The following CNTN5 variants were observed in gnomAD, a reference collection of about 807,000 sequenced individuals.
CNTN5 encodes contactin 5.
CNTN5 carries 77 observed loss-of-function variants against 129.1 expected under a neutral mutation model. That is an observed-to-expected ratio of 0.60 (90% CI 0.50 to 0.72). The LOEUF is 0.72. Ranked by LOEUF, CNTN5 falls within the 30% of genes least tolerant of loss-of-function variation. The probability of loss-of-function intolerance (pLI) is 0.00; values close to 1 mark genes in which losing one functional copy is unlikely to be tolerated. For missense variants in CNTN5, 1,478 were observed against 1,328.8 expected, an observed-to-expected ratio of 1.11 and a Z score of -1.75; for synonymous variants, 509 against 465.6, an observed-to-expected ratio of 1.09 and a Z score of -1.20.
chr11:99,082,011 CAAAT>C (rs35512969), intron 1 of CNTN5, among the ~76,000 whole-genome samples: 30,755 of 151,684 alleles, frequency 0.2, 3,541 homozygotes, highest in South Asian at 0.28. Context: ...AAAAGAGAAA[CAAAT>C]GTTTGCAATT....
chr11:99,228,680 TTC>T (rs1175887075), intron 1 of CNTN5, among the ~76,000 whole-genome samples: 1 of 152,100 alleles, frequency 6.6e-6, no homozygotes, highest in East Asian at 1.9e-4. Flanking sequence ...TTAAATATTA[TTC>T]TTTTTTTATA....
At chr11:99,509,169 T>C (rs1408076370) in intron 2 of CNTN5, among the ~76,000 whole-genome samples, 1 of 152,194 alleles carries the variant, frequency 6.6e-6, no homozygotes, top group Non-Finnish European at 1.5e-5. Flanking sequence ...AATTCTCATA[T>C]ATATTTCAGA....
chr11:99,384,868 T>G (rs1407395676), intron 2 of CNTN5, among the ~76,000 whole-genome samples: 1 of 152,204 alleles, frequency 6.6e-6, no homozygotes, highest in Non-Finnish European at 1.5e-5. Context: ...TCACCTCCCA[T>G]ACTTAATTTT....
chr11:100,323,543 A>G (rs886612441), intron 21 of CNTN5, among the ~76,000 whole-genome samples: 1 of 152,140 alleles, frequency 6.6e-6, no homozygotes, highest in Non-Finnish European at 1.5e-5. Flanking sequence ...CGGGGTTTGT[A>G]TAATCATTTC....
chr11:100,341,280 G>T (rs1346571224), intron 23 of CNTN5, 75 bp downstream of exon 23: 2 of 1,090,214 alleles, frequency 1.8e-6, no homozygotes, highest in African/African-American at 1.6e-5. Flanking sequence ...AATTAATAAG[G>T]CATAAAAAGA....
chr11:99,933,533 A>G lies in CNTN5; in HGVS notation c.673+17384A>G, dbSNP rs146519314. 4.6e-3 allele frequency among the ~76,000 whole-genome samples: 703 copies of G among 152,116 alleles called. 7 individuals are homozygous for G. The highest frequency in any genetic ancestry group is 0.016 in the African/African-American group (672 of 41,492). On this transcript the variant is annotated intron_variant, in intron 7 of 24. Transcript: ENST00000524871. ...CCCCCAATTCTCATCCCTGATATTC[A>G]TTGATGTGATTTCTGTCCCTATATT...
intron 2 of CNTN5, among the ~76,000 whole-genome samples, chr11:99,464,514 A>G (rs1181227415): frequency 1.3e-5 from 2 of 152,194 alleles, no homozygotes; most frequent in Non-Finnish European, 2.9e-5. Flanking sequence ...GAAGATGTCT[A>G]AGTTTCTAAG....
intron 1 of CNTN5, among the ~76,000 whole-genome samples, chr11:99,165,109 A>G (rs1591300213): frequency 6.6e-6 from 1 of 152,152 alleles, no homozygotes; most frequent in Admixed American, 6.6e-5. Flanking sequence ...TTTTGGTACT[A>G]GAATGAAATT....
At chr11:99,521,092 C>T (rs1180752679) in intron 2 of CNTN5, among the ~76,000 whole-genome samples, 1 of 152,080 alleles carries the variant, frequency 6.6e-6, no homozygotes, top group Non-Finnish European at 1.5e-5. Flanking sequence ...CATTTTAAGT[C>T]CAGTAAGCTT....
chr11:99,921,652 C>T (rs545364181), intron 7 of CNTN5, among the ~76,000 whole-genome samples: 18 of 152,230 alleles, frequency 1.2e-4, no homozygotes, highest in Middle Eastern at 3.4e-3. Context: ...TTGTCTCCTT[C>T]GGTTACAATG....
intron 3 of CNTN5, among the ~76,000 whole-genome samples, chr11:99,702,329 C>A (rs1159412258): frequency 6.6e-6 from 1 of 150,852 alleles, no homozygotes; most frequent in Non-Finnish European, 1.5e-5. Flanking sequence ...CTGTTACTAG[C>A]CTTGTCACCA....
At chr11:99,151,951 A>G (rs1860078592) in intron 1 of CNTN5, among the ~76,000 whole-genome samples, 1 of 152,116 alleles carries the variant, frequency 6.6e-6, no homozygotes, top group African/African-American at 2.4e-5. Context: ...GCAAACCCCC[A>G]TGGTACGTGT....
intron 2 of CNTN5, among the ~76,000 whole-genome samples, chr11:99,421,893 A>G (rs955339987): frequency 6.6e-6 from 1 of 152,236 alleles, no homozygotes; most frequent in Non-Finnish European, 1.5e-5. Flanking sequence ...CAAATAAATC[A>G]AAAACAACTT....
chr11:99,905,788 C>T (rs1949486920), intron 6 of CNTN5, among the ~76,000 whole-genome samples: 1 of 152,084 alleles, frequency 6.6e-6, no homozygotes, highest in African/African-American at 2.4e-5. Context: ...ACGCCTTTTC[C>T]ATTTGTTTGT....
intron 24 of CNTN5, among the ~76,000 whole-genome samples, chr11:100,351,714 A>G (rs1020602879): frequency 6.6e-6 from 1 of 151,320 alleles, no homozygotes; most frequent in Non-Finnish European, 1.5e-5. Context: ...AAAGTATTAG[A>G]CAATTTTATG....
chr11:100,274,400 C>T (rs932609363), intron 18 of CNTN5, among the ~76,000 whole-genome samples: 1 of 152,094 alleles, frequency 6.6e-6, no homozygotes, highest in African/African-American at 2.4e-5. Context: ...AGAGCTTCTG[C>T]ACAGTGAAAG....
At chr11:99,955,557 T>C (rs948473588) in intron 7 of CNTN5, among the ~76,000 whole-genome samples, 3 of 152,030 alleles carry the variant, frequency 2.0e-5, no homozygotes, top group African/African-American at 7.2e-5. Flanking sequence ...CTGCTAAATA[T>C]GTAATTTCCC....
rs147662754 is a variant in CNTN5, at chr11:100,342,724, G to T, written c.3030+1519G>T. On this transcript the variant is annotated intron_variant, in intron 23 of 24. Transcript: ENST00000524871. ...TTATTTCTTGTTCCTAATGTTTCTA[G>T]AATGGATGACTAACGTTGGCCCAGA... Among the ~76,000 whole-genome samples, 105 of 152,228 alleles carry T rather than the reference G, an allele frequency of 6.9e-4. 1 individual carries two copies. Among genetic ancestry groups the T allele is most frequent in the African/African-American group, 2.5e-3 (102 of 41,552 alleles).
chr11:100,325,169 T>C (rs1356135282), intron 21 of CNTN5, among the ~76,000 whole-genome samples: 1 of 152,184 alleles, frequency 6.6e-6, no homozygotes, highest in Non-Finnish European at 1.5e-5. Flanking sequence ...AGGACATGCC[T>C]GATCTTAGAT....
Sources: gnomAD v4.1 joint callset for allele counts (sites outside exome capture counted in the v4.1 genomes callset) on GRCh38, gnomAD v4.1.1 for gene constraint, MANE v1.5 for transcripts, NCBI Gene and HGNC (gene_info 2026-07-23, HGNC 2026-07-21) for gene names.